The following ZNF180 variants were observed in gnomAD, a reference collection of about 807,000 sequenced individuals.
ZNF180 encodes the protein zinc finger protein 180, also known as zinc finger protein 180 (HHZ168).
In ZNF180, 11 loss-of-function variants were observed where a neutral mutation model predicts 11.8. The observed-to-expected ratio is 0.93, with a 90% CI of 0.59 to 1.55. The LOEUF is 1.55. Among genes scored for constraint, ZNF180 ranks in the 40% most tolerant of loss-of-function variants. The probability of loss-of-function intolerance (pLI) is 0.00; values close to 1 mark genes in which losing one functional copy is unlikely to be tolerated. For synonymous variants in ZNF180, 287 were observed against 257.7 expected, an observed-to-expected ratio of 1.11 and a Z score of -1.09; for missense variants, 773 against 781.7, an observed-to-expected ratio of 0.99 and a Z score of 0.13.
chr19:44,484,864 A>G (rs1970183122), intron 2 of ZNF180: 2 of 175,014 alleles, frequency 1.1e-5, no homozygotes, highest in Non-Finnish European at 2.5e-5. Context: ...AATTAATTTC[A>G]TAAGATGTTT....
At chr19:44,500,117 G>A (rs1970706828) in intron 1 of ZNF180, 158 bp downstream of exon 1, 4 of 1,593,782 alleles carry the variant, frequency 2.5e-6, no homozygotes, top group Non-Finnish European at 3.4e-6. Flanking sequence ...ATATACAGCT[G>A]TATCAGTAAC....
At chr19:44,480,941 G>C (rs1970062287) in intron 3 of ZNF180, among the ~76,000 whole-genome samples, 1 of 152,136 alleles carries the variant, frequency 6.6e-6, no homozygotes, top group Non-Finnish European at 1.5e-5. Flanking sequence ...GAGCCAAAGT[G>C]ACCTTTATTC....
chr19:44,494,996 G>A (rs930279920), intron 2 of ZNF180, among the ~76,000 whole-genome samples: 2 of 152,064 alleles, frequency 1.3e-5, no homozygotes, highest in Middle Eastern at 3.2e-3. Context: ...TACGCACACC[G>A]ATACAAGCAC....
rs758773767 is a variant in ZNF180, at chr19:44,479,447, ATTT to A, written c.127-41_127-39del. The A allele has an allele frequency of 1.9e-5, 30 of 1,610,424 alleles. No individual in the cohort carries two copies. In the African/African-American group the frequency reaches 2.4e-4, roughly 13 times the overall value. ...ACACATTCCTGCTCAGCTGGGCATC[ATTT>A]CCTTCCAAAGTTCATGGAGGAGGAA... On this transcript the variant is annotated intron_variant, in intron 3 of 4. Coordinates refer to ENST00000592529, the MANE Select transcript of ZNF180 (RefSeq NM_001278509.3).
rs889705494 is a variant in ZNF180, at chr19:44,495,765, C to A, written c.51+1519G>T. On this transcript the variant is annotated intron_variant, in intron 2 of 4. Coordinates refer to ENST00000592529, the MANE Select transcript of ZNF180 (RefSeq NM_001278509.3). This position sits in a 1 kb window ranked among gnomAD's most constrained non-coding sequence, Gnocchi z 4.5. The stretch of plus-strand genomic sequence containing the variant: ...CACGTGCACAAGCGACTTCTTCATT[C>A]CACTTGGGCTCTGACTATGCTGGGA... 2.0e-5 allele frequency among the ~76,000 whole-genome samples: 3 copies of A among 152,112 alleles called. No individual in the cohort carries two copies. Among genetic ancestry groups the A allele is most frequent in the East Asian group, 3.9e-4 (2 of 5,152 alleles).
In ZNF180 at chr19:44,477,343, G is replaced by C. The variant is rs1379292921; in HGVS notation, c.1057C>G (p.Pro353Ala). Residue 353 changes from proline to alanine, a missense_variant, in exon 5 of 5, where the codon CCT (proline) becomes GCT (alanine). Pro to Ala is a conservative substitution (Grantham distance 27). Coordinates refer to ENST00000592529, the MANE Select transcript of ZNF180 (RefSeq NM_001278509.3). ...TTTCCACATTCACTACATTCATAAGGTTTCTCCCCTGTGTGAGTTCTCTGA... is the reference window on the plus strand; with the variant it reads ...TTTCCACATTCACTACATTCATAAGCTTTCTCCCCTGTGTGAGTTCTCTGA... The part of the protein sequence containing the change: ...AHQRTHTGEK[P>A]YECSECGKSF... 6.2e-7 allele frequency: 1 copy of C among 1,612,334 alleles called. No homozygotes were observed. The highest frequency in any genetic ancestry group is 2.2e-5 in the East Asian group (1 of 44,796).
At chr19:44,494,557 A>C (rs1307863239) in intron 2 of ZNF180, among the ~76,000 whole-genome samples, 1 of 152,178 alleles carries the variant, frequency 6.6e-6, no homozygotes, top group Non-Finnish European at 1.5e-5. Flanking sequence ...CTGTAGTCCC[A>C]AATACTCAGG....
rs1969976410 is a variant in ZNF180, at chr19:44,477,989, C to T, written c.411G>A (p.Lys137=). The T allele has an allele frequency of 1.2e-6, 2 of 1,613,940 alleles. No individual in the cohort carries two copies. Among genetic ancestry groups the T allele is most frequent in the African/African-American group, 1.3e-5 (1 of 74,900 alleles). ...EVDDCKDQLE[K]QQEKQEILLQ... ...AAAGTATCTCTTGTTTTTCCTGTTG[C>T]TTCTCCAACTGGTCTTTACAATCAT... The change falls in exon 5 of 5, where the codon AAG becomes AAA. Residue 137 remains lysine, a synonymous_variant. Coordinates refer to ENST00000592529, the MANE Select transcript of ZNF180 (RefSeq NM_001278509.3).
At chr19:44,490,217 A>G (rs1049149618) in intron 2 of ZNF180, among the ~76,000 whole-genome samples, 1 of 152,048 alleles carries the variant, frequency 6.6e-6, no homozygotes, top group Admixed American at 6.5e-5. Flanking sequence ...AAGAGAAAAC[A>G]AAGAGAAAAG....
intron 2 of ZNF180, among the ~76,000 whole-genome samples, chr19:44,488,546 G>A (rs1028432900): frequency 5.3e-5 from 8 of 152,118 alleles, no homozygotes; most frequent in Admixed American, 1.3e-4. Context: ...GATTGCAGAC[G>A]GAGTCTCGTT....
In ZNF180 at chr19:44,476,746, A is replaced by G. The variant is rs758821340; in HGVS notation, c.1654T>C (p.Cys552Arg). Residue 552 changes from cysteine (C) to arginine (R), a missense_variant, in exon 5 of 5, where the codon TGT becomes CGT. Coordinates refer to ENST00000592529, the MANE Select transcript of ZNF180 (RefSeq NM_001278509.3). ...CTGAAGGATTTCCCACACTGATTACATTCATACGGTTTTTCCCCAGTGTGA... is the reference window on the plus strand; with the variant it reads ...CTGAAGGATTTCCCACACTGATTACGTTCATACGGTTTTTCCCCAGTGTGA... ...RIHTGEKPYE[C>R]NQCGKSFSQS... The G allele has an allele frequency of 1.2e-6, 2 of 1,614,198 alleles. No homozygotes were observed. The highest frequency in any genetic ancestry group is 2.2e-5 in the East Asian group (1 of 44,874).
At chr19:44,481,107 G>A (rs146026759) in intron 3 of ZNF180, among the ~76,000 whole-genome samples, 298 of 152,236 alleles carry the variant, frequency 2.0e-3, no homozygotes, top group African/African-American at 6.7e-3. Flanking sequence ...TAAGATAACT[G>A]GGCAGGAATT....
Position 44,475,614 on chromosome 19 carries a change from C to A in ZNF180, c.*788G>T, listed in dbSNP as rs1969842940. 6.6e-6 allele frequency: 1 copy of A among 152,082 alleles called. No individual in the cohort carries two copies. The highest frequency in any genetic ancestry group is 2.1e-4 in the South Asian group (1 of 4,816). 9.4% of individuals were successfully genotyped at this position (152,082 alleles called of 1,614,324 possible). A position where few individuals can be genotyped will look rare whatever the true frequency, so the allele number is the denominator to read the frequency against. ...GGTTGCTTAGTCTTTCCTAAATAGT[C>A]AAAGAAGGAAATCTTTGTATTTCAT... On this transcript the variant is annotated 3_prime_UTR_variant, in exon 5 of 5. Transcript: ENST00000592529.
rs144535362 is a variant in ZNF180, at chr19:44,479,368, C to T, written c.168G>A (p.Arg56=). Residue 56 remains arginine, a synonymous_variant, in exon 4 of 5, where the codon CGG becomes CGA. Coordinates refer to ENST00000592529, the MANE Select transcript of ZNF180 (RefSeq NM_001278509.3). ...NFKIVTVDFT[R]EEQGTCNPAQ... ...CAGGGTTGCAAGTACCCTGTTCCTC[C>T]CGTGTGAAGTCCACAGTCACAATTT... is the stretch of plus-strand genomic sequence containing the variant. 2.5e-6 allele frequency: 4 copies of T among 1,613,798 alleles called. No individual in the cohort carries two copies. Among genetic ancestry groups the T allele is most frequent in the Non-Finnish European group, 3.4e-6 (4 of 1,179,910 alleles).
intron 2 of ZNF180, among the ~76,000 whole-genome samples, chr19:44,486,438 A>G (rs1458342661): frequency 6.6e-6 from 1 of 152,208 alleles, no homozygotes. Context: ...GAAACAACGC[A>G]ATTCCTTTGT....
chr19:44,491,268 G>C (rs1161560465), intron 2 of ZNF180, among the ~76,000 whole-genome samples: 1 of 152,176 alleles, frequency 6.6e-6, no homozygotes, highest in Non-Finnish European at 1.5e-5. Flanking sequence ...CCTTTTCTTT[G>C]CAGAAAATTC....
At chr19:44,488,281 T>C (rs1970300774) in intron 2 of ZNF180, among the ~76,000 whole-genome samples, 2 of 149,778 alleles carry the variant, frequency 1.3e-5, no homozygotes, top group South Asian at 4.3e-4. Flanking sequence ...GGTCTCCCTC[T>C]CCCTCTCTTT....
At position 44,477,708 on chromosome 19, in the gene ZNF180, A is replaced by C; in HGVS notation, c.692T>G (p.Ile231Ser). The C allele has an allele frequency of 6.2e-7, 1 of 1,614,104 alleles. No individual in the cohort carries two copies. The highest frequency in any genetic ancestry group is 1.1e-5 in the South Asian group (1 of 91,082). ...AGTTCTTGTAAACTGAATAAGGTGA[A>C]TGCTCTGAGGGGGTTTTCCACATTC... ...NNECGKPPQSIHLIQFTRTQT... is the reference protein window; with the variant it reads ...NNECGKPPQSSHLIQFTRTQT... The change falls in exon 5 of 5, where the codon ATT becomes AGT. Residue 231 changes from isoleucine to serine, a missense_variant. By Grantham distance (142) the Ile-to-Ser change is moderately radical. Transcript: ENST00000592529.
chr19:44,491,418 T>C (rs1044494075), intron 2 of ZNF180, among the ~76,000 whole-genome samples: 2 of 152,248 alleles, frequency 1.3e-5, no homozygotes, highest in Admixed American at 1.3e-4. Context: ...TTCTACTCAC[T>C]TTGGATTACT....
Sources: allele counts gnomAD v4.1 joint callset (sites outside exome capture counted in the v4.1 genomes callset), GRCh38; gene constraint gnomAD v4.1.1; non-coding constraint Gnocchi (gnomAD v3.1); transcripts MANE v1.5; gene names NCBI Gene and HGNC (gene_info 2026-07-23, HGNC 2026-07-21).